Variants in CCP110 observed in about 807,000 individuals in gnomAD.
CCP110 encodes the protein centriolar coiled-coil protein 110.
CCP110 carries 43 observed loss-of-function variants against 105.5 expected under a neutral mutation model. The observed-to-expected ratio is 0.41, with a 90% CI of 0.32 to 0.53. The LOEUF is 0.53. Ranked by LOEUF, CCP110 falls within the 20% of genes least tolerant of loss-of-function variation. The pLI, the probability that CCP110 is intolerant of heterozygous loss-of-function variation, is 0.32. For missense variants in CCP110, 1,016 were observed against 1,189.1 expected, an observed-to-expected ratio of 0.85 and a Z score of 2.14; for synonymous variants, 353 against 392.1, an observed-to-expected ratio of 0.90 and a Z score of 1.18.
Position 19,537,720 on chromosome 16 carries a change from A to G in CCP110, c.1918+133A>G, listed in dbSNP as rs558962895. On this transcript the variant is annotated intron_variant, in intron 4 of 14. Coordinates refer to ENST00000381396, the Ensembl canonical transcript of CCP110. The stretch of plus-strand genomic sequence containing the variant: ...AATTTTATTTATCTTATTAGAAAGC[A>G]TATTAGTCAGCTACAGTTTATTGCC... The G allele has an allele frequency of 5.2e-5, 30 of 577,944 alleles. No homozygotes were observed. The East Asian group carries it at 7.4e-4, about 14-fold the overall frequency. The allele number at this position is 577,944 out of a possible 1,614,324, so 35.8% of individuals were successfully genotyped here.
At chr16:19,542,830 T>A in intron 7 of CCP110, 48 bp from the exon 8 acceptor site, 1 of 1,520,160 alleles carries the variant, frequency 6.6e-7, no homozygotes, top group Non-Finnish European at 9.1e-7. Context: ...TATCTTAGAC[T>A]GTATAAATGA....
intron 1 of CCP110, chr16:19,526,593 TAGGA>T (rs1025955701): frequency 1.3e-5 from 2 of 152,220 alleles, no homozygotes; most frequent in African/African-American, 4.8e-5. Context: ...GATTGAATAG[TAGGA>T]AGAAGTTTTG....
rs1439284266 is a variant in CCP110, at chr16:19,548,592, C to T, written c.2978C>T (p.Pro993Leu). ...CAGAGCAGAGTGCCTAACAGAGTGC[C>T]TGTTTCAGGTTTGTAGAAAATAAAT... Residue 993 changes from proline to leucine, a missense_variant, in exon 14 of 15, where the codon CCT becomes CTT. Pro to Leu is a moderately conservative substitution (Grantham distance 98). Coordinates refer to ENST00000381396, the Ensembl canonical transcript of CCP110. This position sits in a 1 kb window ranked among gnomAD's most constrained non-coding sequence, Gnocchi z 4.1. 1 of 1,546,456 alleles carries T rather than the reference C, an allele frequency of 6.5e-7. No homozygotes were observed. The highest frequency in any genetic ancestry group is 2.4e-5 in the East Asian group (1 of 40,866).
exon 15 of CCP110, chr16:19,551,562 A>G (rs1970641920): frequency 3.9e-6 from 1 of 255,544 alleles, no homozygotes; most frequent in Non-Finnish European, 7.4e-6. Flanking sequence ...TGTCAAGGAC[A>G]TTTGGATTTA....
At chr16:19,536,652 G>A (rs768073766) in exon 4 of CCP110, 25 of 1,613,952 alleles carry the variant, frequency 1.5e-5, no homozygotes, top group Non-Finnish European at 1.8e-5. Flanking sequence ...ATACCTATAC[G>A]AACTGGCCAT....
chr16:19,536,530 A>G, exon 4 of CCP110: 1 of 1,614,122 alleles, frequency 6.2e-7, no homozygotes, highest in Non-Finnish European at 8.5e-7. Flanking sequence ...ACTGTGTCTC[A>G]GTTATTCCTG....
intron 14 of CCP110, among the ~76,000 whole-genome samples, chr16:19,550,663 A>G (rs955180356): frequency 2.6e-5 from 4 of 152,254 alleles, no homozygotes; most frequent in African/African-American, 4.8e-5. Context: ...TAAGCAATTT[A>G]TAGAAAACTA....
Position 19,536,061 on chromosome 16 carries a change from C to T in CCP110, c.392C>T (p.Thr131Met), listed in dbSNP as rs372440972. ...TTTCCAAATAGCTTTCCAAGCCATA[C>T]GGAACACTCTACTGCAGCAAAGCTT... The change falls in exon 4 of 15, where the codon ACG becomes ATG. Residue 131 changes from threonine (T) to methionine (M), a missense_variant. Transcript: ENST00000381396. 1.8e-5 allele frequency: 29 copies of T among 1,613,882 alleles called. No homozygotes were observed. The highest frequency in any genetic ancestry group is 1.7e-4 in the Middle Eastern group (1 of 6,060).
At chr16:19,542,991 A>G in exon 8 of CCP110, 1 of 1,506,544 alleles carries the variant, frequency 6.6e-7, no homozygotes, top group Non-Finnish European at 9.2e-7. Flanking sequence ...GACAAACTGT[A>G]AAAGTAAGAT....
At chr16:19,549,596 A>C (rs1174141155) in intron 14 of CCP110, among the ~76,000 whole-genome samples, 1 of 152,214 alleles carries the variant, frequency 6.6e-6, no homozygotes, top group Non-Finnish European at 1.5e-5. Flanking sequence ...AATTGTCTTA[A>C]AGGATTACAT....
intron 9 of CCP110, 93 bp from the exon 10 acceptor site, chr16:19,545,001 T>C (rs1259798684): frequency 4.0e-6 from 4 of 988,646 alleles, no homozygotes; most frequent in South Asian, 1.5e-5. Context: ...TATTTTAATC[T>C]TTTTCTATAA....
chr16:19,531,729 A>T (rs1969874428), intron 2 of CCP110, among the ~76,000 whole-genome samples: 1 of 152,188 alleles, frequency 6.6e-6, no homozygotes, highest in South Asian at 2.1e-4. Context: ...GCACTTTGGG[A>T]GGCCGAGGTG....
At chr16:19,545,401 G>A (rs751063036) in intron 10 of CCP110, among the ~76,000 whole-genome samples, 191 bp downstream of exon 10, 5 of 152,100 alleles carry the variant, frequency 3.3e-5, no homozygotes, top group Non-Finnish European at 5.9e-5. Flanking sequence ...ATTACATATT[G>A]TTTTCTTATT....
At chr16:19,524,917 T>G (rs968621996) in intron 1 of CCP110, 2 of 152,256 alleles carry the variant, frequency 1.3e-5, no homozygotes, top group East Asian at 3.8e-4. Flanking sequence ...CTGCGTGTTC[T>G]GCACTACGTT....
At chr16:19,535,396 C>T (rs1233142780) in intron 3 of CCP110, among the ~76,000 whole-genome samples, 1 of 152,064 alleles carries the variant, frequency 6.6e-6, no homozygotes, top group Non-Finnish European at 1.5e-5. Flanking sequence ...TTGGAGTAAG[C>T]ATGTAGGTGC....
intron 3 of CCP110, among the ~76,000 whole-genome samples, 168 bp downstream of exon 3, chr16:19,532,712 T>A (rs1206224185): frequency 1.3e-5 from 2 of 152,252 alleles, no homozygotes; most frequent in African/African-American, 4.8e-5. Context: ...CCAAAGAGAA[T>A]GTACTTGCTT....
intron 4 of CCP110, 63 bp from the exon 5 acceptor site, chr16:19,540,594 G>C: frequency 7.6e-7 from 1 of 1,316,844 alleles, no homozygotes. Flanking sequence ...TAAATTGATG[G>C]TATAAAATAT....
intron 10 of CCP110, 24 bp from the exon 11 acceptor site, chr16:19,545,793 T>G (rs1366834363): frequency 7.3e-7 from 1 of 1,378,670 alleles, no homozygotes; most frequent in Non-Finnish European, 1.0e-6. Flanking sequence ...CAGTAGAGTT[T>G]GACGTTACTT....
chr16:19,544,420 G>C (rs1285390715), intron 8 of CCP110, among the ~76,000 whole-genome samples: 1 of 152,092 alleles, frequency 6.6e-6, no homozygotes, highest in Non-Finnish European at 1.5e-5. Flanking sequence ...ACGAACCATG[G>C]ATCAAAAATA....
Sources: gnomAD v4.1 joint callset for allele counts (sites outside exome capture counted in the v4.1 genomes callset) on GRCh38, gnomAD v4.1.1 for gene constraint, Gnocchi (gnomAD v3.1) non-coding constraint, MANE v1.5 for transcripts, NCBI Gene and HGNC (gene_info 2026-07-23, HGNC 2026-07-21) for gene names.